HIVEP3: variants seen among roughly 807,000 people sequenced by gnomAD.
The protein encoded by HIVEP3 is transcription factor HIVEP3.
In HIVEP3, 49 loss-of-function variants were observed where a neutral mutation model predicts 152.8. The observed-to-expected ratio is 0.32, with a 90% confidence interval of 0.26 to 0.41. HIVEP3 has a LOEUF of 0.41. HIVEP3 is among the 10% of genes least tolerant of loss of function. HIVEP3 has a pLI of 1.00. For synonymous variants in HIVEP3, 1,269 were observed against 1,289.0 expected, an observed-to-expected ratio of 0.98 and a Z score of 0.33; for missense variants, 2,790 against 3,103.3, an observed-to-expected ratio of 0.90 and a Z score of 2.40.
intron 2 of HIVEP3, among the ~76,000 whole-genome samples, chr1:41,678,849 C>A (rs1039598319): frequency 7.9e-5 from 12 of 152,226 alleles, no homozygotes; most frequent in African/African-American, 2.9e-4. Flanking sequence ...GAGGTGGGAG[C>A]CTTAAGCACA....
chr1:41,843,554 C>A (rs1478081325), intron 1 of HIVEP3, among the ~76,000 whole-genome samples: 1 of 150,812 alleles, frequency 6.6e-6, no homozygotes, highest in East Asian at 1.9e-4. Context: ...TGTTTCACAG[C>A]AGCTAGGAGT....
In HIVEP3 at chr1:41,845,415, A is replaced by G. The variant is rs1188406236; in HGVS notation, c.-801+72998T>C. ...CTACACACCTCCTATACACACACAC[A>G]CACGCACACACACACACACACACAC... is the stretch of plus-strand genomic sequence containing the variant. On this transcript the variant is annotated intron_variant, in intron 1 of 8. Coordinates refer to ENST00000372583, the MANE Select transcript of HIVEP3 (RefSeq NM_024503.5). 3.3e-5 allele frequency among the ~76,000 whole-genome samples: 3 copies of G among 92,258 alleles called. No homozygotes were observed. In the East Asian group the frequency reaches 6.5e-4, roughly 20 times the overall value. 60.5% of individuals were successfully genotyped at this position (92,258 alleles called of 152,430 possible).
intron 3 of HIVEP3, among the ~76,000 whole-genome samples, chr1:41,619,840 T>C (rs549839873): frequency 3.3e-5 from 5 of 152,192 alleles, no homozygotes; most frequent in Admixed American, 2.6e-4. Context: ...AGCTCCAAAA[T>C]AGGAAATTCG....
At chr1:41,819,799 G>A (rs1642535120) in intron 1 of HIVEP3, among the ~76,000 whole-genome samples, 1 of 152,026 alleles carries the variant, frequency 6.6e-6, no homozygotes, top group Non-Finnish European at 1.5e-5. Context: ...ATTAATTTTT[G>A]CAAATGTTCA....
chr1:42,004,984 A>G (rs1193659497), intron 1 of HIVEP3, among the ~76,000 whole-genome samples: 1 of 152,174 alleles, frequency 6.6e-6, no homozygotes, highest in Non-Finnish European at 1.5e-5. Context: ...CGAACGGTCA[A>G]TATCTGTTTC....
intron 5 of HIVEP3, among the ~76,000 whole-genome samples, chr1:41,529,406 AC>A (rs1643159509): frequency 1.1e-5 from 1 of 86,988 alleles, no homozygotes; most frequent in African/African-American, 4.7e-5. Flanking sequence ...ACATGCTCAT[AC>A]CCCACACCCT....
chr1:41,599,821 T>C (rs1451414548), intron 3 of HIVEP3, among the ~76,000 whole-genome samples: 1 of 152,254 alleles, frequency 6.6e-6, no homozygotes, highest in South Asian at 2.1e-4. Flanking sequence ...TTGCAAATCA[T>C]ATATCTGATA....
upstream of HIVEP3, among the ~76,000 whole-genome samples, chr1:41,921,111 G>A (rs1644939711): frequency 6.6e-6 from 1 of 152,200 alleles, no homozygotes; most frequent in Non-Finnish European, 1.5e-5. Context: ...CTTTTGGTTT[G>A]GGGAATGGTA....
chr1:41,657,154 G>A (rs1040667396), intron 2 of HIVEP3, among the ~76,000 whole-genome samples: 6 of 152,196 alleles, frequency 3.9e-5, no homozygotes, highest in Non-Finnish European at 8.8e-5. Context: ...ATGAATAAAT[G>A]ACAGCGTAAG....
chr1:41,965,556 A>G (rs1293993510), intron 1 of HIVEP3, among the ~76,000 whole-genome samples: 1 of 152,240 alleles, frequency 6.6e-6, no homozygotes, highest in Non-Finnish European at 1.5e-5. Flanking sequence ...GGAGCTGAAA[A>G]ACACATGAGA....
At chr1:42,012,796 A>G (rs1304783938) in intron 1 of HIVEP3, among the ~76,000 whole-genome samples, 1 of 152,192 alleles carries the variant, frequency 6.6e-6, no homozygotes, top group African/African-American at 2.4e-5. Context: ...GAGGGCCCTC[A>G]CCAGAACCCA....
At chr1:41,845,245 C>A (rs1643404270) in intron 1 of HIVEP3, among the ~76,000 whole-genome samples, 1 of 151,940 alleles carries the variant, frequency 6.6e-6, no homozygotes, top group Non-Finnish European at 1.5e-5. Context: ...AAATAATATC[C>A]ATGAGGACAA....
At chr1:41,657,540 G>A (rs1645647442) in intron 2 of HIVEP3, among the ~76,000 whole-genome samples, 1 of 152,208 alleles carries the variant, frequency 6.6e-6, no homozygotes, top group Non-Finnish European at 1.5e-5. Flanking sequence ...TTTGGGAGCA[G>A]CTGATTCATT....
intron 5 of HIVEP3, among the ~76,000 whole-genome samples, chr1:41,556,214 C>T (rs1012934353): frequency 3.9e-5 from 6 of 152,164 alleles, no homozygotes; most frequent in African/African-American, 9.7e-5. Flanking sequence ...TACCGTTTTT[C>T]ACAGCGGCTG....
intron 5 of HIVEP3, among the ~76,000 whole-genome samples, chr1:41,551,617 G>C (rs1643894900): frequency 6.6e-6 from 1 of 152,178 alleles, no homozygotes; most frequent in East Asian, 1.9e-4. Context: ...GAGGGTGTAT[G>C]TGTCCAGGAA....
chr1:41,780,340 G>A (rs759512372), intron 1 of HIVEP3, among the ~76,000 whole-genome samples: 10 of 152,198 alleles, frequency 6.6e-5, no homozygotes, highest in Non-Finnish European at 1.2e-4. Flanking sequence ...AGCACCAGGT[G>A]CTGAAAGCCA....
At chr1:41,766,745 T>C (rs1648033987) in intron 1 of HIVEP3, among the ~76,000 whole-genome samples, 4 of 152,230 alleles carry the variant, frequency 2.6e-5, no homozygotes, top group Non-Finnish European at 5.9e-5. Context: ...GTTTTCCTGA[T>C]GAGCACTCCA....
At chr1:41,531,422 G>A (rs1643248714) in intron 5 of HIVEP3, among the ~76,000 whole-genome samples, 1 of 118,620 alleles carries the variant, frequency 8.4e-6, no homozygotes, top group South Asian at 3.0e-4. Context: ...AGAGATGGAG[G>A]ACAGGGGAGA....
At chr1:41,810,020 T>C (rs962888867) in intron 1 of HIVEP3, among the ~76,000 whole-genome samples, 40 of 152,120 alleles carry the variant, frequency 2.6e-4, no homozygotes, top group African/African-American at 7.5e-4. Flanking sequence ...GCTGCCCAAA[T>C]TGCAGCCAGT....
Sources: gnomAD v4.1 joint callset for allele counts (sites outside exome capture counted in the v4.1 genomes callset) on GRCh38, gnomAD v4.1.1 for gene constraint, MANE v1.5 for transcripts, NCBI Gene and HGNC (gene_info 2026-07-23, HGNC 2026-07-21) for gene names.